Variants in GRID2 observed in about 807,000 individuals in gnomAD.
GRID2 encodes glutamate ionotropic receptor delta type subunit 2.
In GRID2, 33 loss-of-function variants were observed where a neutral mutation model predicts 114.8. The ratio of observed to expected loss-of-function variants is 0.29; its 90% CI spans 0.22 to 0.38. The LOEUF is 0.38. Ranked by LOEUF, GRID2 falls within the 10% of genes least tolerant of loss-of-function variation. The pLI is 1.00. For synonymous variants in GRID2, 505 were observed against 449.9 expected, an observed-to-expected ratio of 1.12 and a Z score of -1.55; for missense variants, 1,184 against 1,257.7, an observed-to-expected ratio of 0.94 and a Z score of 0.89.
chr4:92,906,962 C>T (rs1036694226), intron 2 of GRID2, among the ~76,000 whole-genome samples: 3 of 152,074 alleles, frequency 2.0e-5, no homozygotes, highest in Non-Finnish European at 4.4e-5. Context: ...ACGTACTCAA[C>T]GAGAATCAAC....
Position 93,332,291 on chromosome 4 carries a change from T to TGA in GRID2, c.1246-63315_1246-63314insAG, listed in dbSNP as rs1439107466. Among the ~76,000 whole-genome samples, 802 of 107,248 alleles carry TGA rather than the reference T, an allele frequency of 7.5e-3. 7 individuals are homozygous for TGA. Among genetic ancestry groups the TGA allele is most frequent in the African/African-American group, 0.04 (740 of 18,356 alleles). 70.4% of individuals were successfully genotyped at this position (107,248 alleles called of 152,430 possible). A position where few individuals can be genotyped will look rare whatever the true frequency, so the allele number is the denominator to read the frequency against. On this transcript the variant is annotated intron_variant, in intron 8 of 15. Transcript: ENST00000282020. Reference sequence around the variant, plus strand: ...GCGTGTGTGTGTGTGTGTGTGTGTGTGTGTGTGTGAGAGAGAGAGAGAGAG... The same window carrying TGA: ...GCGTGTGTGTGTGTGTGTGTGTGTGTGAGTGTGTGTGAGAGAGAGAGAGAGAG...
intron 2 of GRID2, among the ~76,000 whole-genome samples, chr4:92,813,269 G>C (rs776643544): frequency 3.3e-5 from 5 of 152,070 alleles, no homozygotes; most frequent in Non-Finnish European, 5.9e-5. Flanking sequence ...AATTCTGAAG[G>C]CTAGACATCT....
At chr4:92,642,074 A>G (rs1269032855) in intron 2 of GRID2, among the ~76,000 whole-genome samples, 1 of 150,940 alleles carries the variant, frequency 6.6e-6, no homozygotes, top group Non-Finnish European at 1.5e-5. Flanking sequence ...TGCTCTTGTG[A>G]TGTTTCATGT....
At chr4:93,744,207 G>C (rs963153336) in intron 14 of GRID2, among the ~76,000 whole-genome samples, 2 of 152,126 alleles carry the variant, frequency 1.3e-5, no homozygotes, top group Non-Finnish European at 2.9e-5. Context: ...TGTTGTTTTC[G>C]TGCCTGCTAA....
In GRID2 at chr4:93,772,130, A is replaced by G; in HGVS notation, c.2656A>G (p.Thr886Ala). Residue 886 changes from threonine to alanine, a missense_variant, in exon 16 of 16, where the codon ACA becomes GCA. By Grantham distance (58) the Thr-to-Ala change is moderately conservative. Around this residue, in one of 3 missense-constraint regions of GRID2, gnomAD observed 717 missense variants for 796.9 expected, o/e 0.90. Transcript: ENST00000282020. The part of the protein sequence containing the change: ...HLHRRVNSLC[T>A]DDDSPHKQFS... ...CCATAGACGTGTAAATAGCTTGTGC[A>G]CAGATGACGACAGCCCCCATAAACA... 3.7e-6 allele frequency: 6 copies of G among 1,612,636 alleles called. No individual in the cohort carries two copies. The highest frequency in any genetic ancestry group is 5.1e-6 in the Non-Finnish European group (6 of 1,178,712).
intron 1 of GRID2, among the ~76,000 whole-genome samples, chr4:93,793,824 T>G (rs968485694): frequency 6.6e-6 from 1 of 152,192 alleles, no homozygotes; most frequent in African/African-American, 2.4e-5. Context: ...ACGCTCTCTC[T>G]TCTTGGCATG....
intron 2 of GRID2, among the ~76,000 whole-genome samples, chr4:92,680,945 T>G (rs1027093180): frequency 6.6e-6 from 1 of 152,136 alleles, no homozygotes; most frequent in African/African-American, 2.4e-5. Flanking sequence ...GAGTTACTGA[T>G]TTTGCTAAGA....
chr4:92,385,071 C>T (rs747353424), intron 1 of GRID2, among the ~76,000 whole-genome samples: 1 of 151,608 alleles, frequency 6.6e-6, no homozygotes, highest in Non-Finnish European at 1.5e-5. Flanking sequence ...GGAAAAATTG[C>T]ACCAGGTCAA....
In GRID2 at chr4:93,635,462, T is replaced by G. The variant is rs139606078; in HGVS notation, c.2360+9027T>G. Among the ~76,000 whole-genome samples the G allele has an allele frequency of 6.7e-4, 102 of 151,266 alleles. 1 individual carries two copies. The East Asian group carries it at 0.018, about 27-fold the overall frequency. ...AAGAATAACATTTTATGCTATAAGA[T>G]GTGAAAGGAAATTGTTTTCTTTTCT... On this transcript the variant is annotated intron_variant, in intron 14 of 15. Transcript: ENST00000282020.
At chr4:92,923,223 A>C (rs1749511969) in intron 2 of GRID2, among the ~76,000 whole-genome samples, 1 of 152,184 alleles carries the variant, frequency 6.6e-6, no homozygotes, top group African/African-American at 2.4e-5. Context: ...CAGGAAATTG[A>C]AGTATATACT....
intron 7 of GRID2, among the ~76,000 whole-genome samples, chr4:93,228,512 T>C (rs1305002324): frequency 6.6e-6 from 1 of 152,192 alleles, no homozygotes; most frequent in Non-Finnish European, 1.5e-5. Context: ...CTGTGTCTTC[T>C]TTGCCAAGGA....
intron 2 of GRID2, among the ~76,000 whole-genome samples, chr4:92,933,644 T>C (rs1029806477): frequency 4.0e-5 from 6 of 151,574 alleles, no homozygotes; most frequent in African/African-American, 1.5e-4. Flanking sequence ...CAAAGTTTCA[T>C]AGTAGTTCCA....
At chr4:93,478,332 A>G (rs1202981368) in intron 11 of GRID2, among the ~76,000 whole-genome samples, 2 of 151,986 alleles carry the variant, frequency 1.3e-5, no homozygotes, top group Admixed American at 6.6e-5. Context: ...TTAATTTAGC[A>G]TTTTTCATAT....
chr4:92,909,473 A>G (rs1055451279), intron 2 of GRID2, among the ~76,000 whole-genome samples: 2 of 152,058 alleles, frequency 1.3e-5, no homozygotes, highest in African/African-American at 2.4e-5. Context: ...TATTTTTTAC[A>G]TAGTAGCAAA....
chr4:92,460,828 T>C (rs1018274848), intron 1 of GRID2, among the ~76,000 whole-genome samples: 2 of 152,022 alleles, frequency 1.3e-5, no homozygotes, highest in African/African-American at 4.8e-5. Flanking sequence ...AAAAGACATA[T>C]AATATTTAAA....
At chr4:93,378,454 A>G (rs575710849) in intron 8 of GRID2, among the ~76,000 whole-genome samples, 2 of 152,246 alleles carry the variant, frequency 1.3e-5, no homozygotes, top group South Asian at 2.1e-4. Context: ...TGTTATTACA[A>G]GTTAATCAGC....
chr4:93,276,836 G>A (rs193125651), intron 8 of GRID2, among the ~76,000 whole-genome samples: 5 of 151,908 alleles, frequency 3.3e-5, no homozygotes, highest in Non-Finnish European at 7.4e-5. Context: ...ATCAAATATG[G>A]AGTGGCTAGT....
intron 13 of GRID2, among the ~76,000 whole-genome samples, chr4:93,600,699 A>G (rs145197946): frequency 1.3e-5 from 2 of 152,328 alleles, no homozygotes; most frequent in African/African-American, 4.8e-5. Context: ...ATGACTTAGC[A>G]GTTCCAATCT....
intron 13 of GRID2, among the ~76,000 whole-genome samples, chr4:93,520,853 A>G (rs1381775330): frequency 6.6e-6 from 1 of 152,142 alleles, no homozygotes; most frequent in African/African-American, 2.4e-5. Context: ...ACCAGTGCAG[A>G]GTTTTGAGCA....
Sources: allele counts gnomAD v4.1 joint callset (sites outside exome capture counted in the v4.1 genomes callset), GRCh38; gene constraint gnomAD v4.1.1; regional missense constraint gnomAD v4.1.1; transcripts MANE v1.5; gene names NCBI Gene and HGNC (gene_info 2026-07-23, HGNC 2026-07-21).